ZFP1: variants seen among roughly 807,000 people sequenced by gnomAD.
ZFP1 encodes zinc finger protein 1 homolog.
ZFP1 carries 32 observed loss-of-function variants against 38.5 expected under a neutral mutation model. The ratio of observed to expected loss-of-function variants is 0.83; its 90% CI spans 0.63 to 1.12. ZFP1 has a LOEUF of 1.12. Ranked by LOEUF, ZFP1 falls within the 50% of genes most tolerant of loss-of-function variation. The pLI, the probability that ZFP1 is intolerant of heterozygous loss-of-function variation, is 0.00. For synonymous variants in ZFP1, 245 were observed against 168.8 expected (o/e 1.45, Z -3.50); for missense variants, 616 against 480.8 (o/e 1.28, Z -2.63).
chr16:75,146,742 G>C (rs113553215), upstream of ZFP1, among the ~76,000 whole-genome samples: 2 of 151,920 alleles, frequency 1.3e-5, no homozygotes, highest in Non-Finnish European at 2.9e-5. Context: ...AGTTTGAGAC[G>C]AGCCTGGGCA....
At chr16:75,156,898 G>A (rs1289676941) in intron 2 of ZFP1, among the ~76,000 whole-genome samples, 1 of 152,180 alleles carries the variant, frequency 6.6e-6, no homozygotes, top group Non-Finnish European at 1.5e-5. Flanking sequence ...AAGAATCTGG[G>A]CCAGGCTCAC....
the ZFP1 span, among the ~76,000 whole-genome samples, chr16:75,141,059 A>G: frequency 1.3e-5 from 2 of 152,176 alleles, no homozygotes; most frequent in African/African-American, 4.8e-5. Flanking sequence ...ATCATTGCTA[A>G]TATTTGGCCA....
chr16:75,123,132 T>A, the ZFP1 span, among the ~76,000 whole-genome samples: 2 of 151,766 alleles, frequency 1.3e-5, no homozygotes, highest in East Asian at 1.9e-4. Flanking sequence ...GGCGAGTGGA[T>A]CACGTGAGGT....
the ZFP1 span, among the ~76,000 whole-genome samples, chr16:75,138,961 C>T: frequency 6.6e-6 from 1 of 152,158 alleles, no homozygotes; most frequent in African/African-American, 2.4e-5. Context: ...TGGCACTTTA[C>T]CTCTAGGATC....
At chr16:75,167,396 CTT>C (rs11417475) in intron 3 of ZFP1, among the ~76,000 whole-genome samples, 7 of 148,644 alleles carry the variant, frequency 4.7e-5, no homozygotes, top group African/African-American at 1.5e-4. Context: ...CCCTGCTTAC[CTT>C]TTTTTTTTTC....
At chr16:75,138,109 T>G in the ZFP1 span, among the ~76,000 whole-genome samples, 4 of 127,760 alleles carry the variant, frequency 3.1e-5, no homozygotes, top group Non-Finnish European at 4.7e-5. Flanking sequence ...TGATCTTGGC[T>G]CACTGCAACC....
chr16:75,163,808 G>C (rs1156819468), intron 2 of ZFP1, among the ~76,000 whole-genome samples: 1 of 152,056 alleles, frequency 6.6e-6, no homozygotes, highest in Admixed American at 6.5e-5. Context: ...ACAGGGTCTT[G>C]CCATGTTGCC....
At chr16:75,161,830 G>A (rs1180071654) in intron 2 of ZFP1, among the ~76,000 whole-genome samples, 1 of 113,234 alleles carries the variant, frequency 8.8e-6, no homozygotes, top group African/African-American at 3.5e-5. Flanking sequence ...TGTCATCCAG[G>A]CTGGAATGCA....
intron 1 of ZFP1, among the ~76,000 whole-genome samples, chr16:75,150,533 T>C (rs142927760): frequency 1.7e-4 from 26 of 152,350 alleles, no homozygotes; most frequent in Admixed American, 1.3e-3. Context: ...TCTTTTTATA[T>C]TATTGATTTA....
intron 2 of ZFP1, among the ~76,000 whole-genome samples, chr16:75,160,396 T>G (rs1290731097): frequency 1.3e-5 from 2 of 151,932 alleles, no homozygotes; most frequent in Non-Finnish European, 2.9e-5. Context: ...TAATCCCATC[T>G]GTACTAAACC....
At chr16:75,123,661 A>G in the ZFP1 span, among the ~76,000 whole-genome samples, 16 of 151,074 alleles carry the variant, frequency 1.1e-4, no homozygotes, top group South Asian at 3.3e-3. Context: ...GTATTTTAGT[A>G]GAGACAGAGT....
At chr16:75,168,312 G>A (rs895248777) in intron 3 of ZFP1, among the ~76,000 whole-genome samples, 5 of 152,082 alleles carry the variant, frequency 3.3e-5, no homozygotes, top group African/African-American at 1.2e-4. Flanking sequence ...ATGAACCTGG[G>A]TAACTTTATC....
Position 75,169,603 on chromosome 16 carries a change from C to G in ZFP1, c.493C>G (p.Leu165Val), listed in dbSNP as rs2038309787. 6.3e-7 allele frequency: 1 copy of G among 1,595,422 alleles called. No homozygotes were observed. The highest frequency in any genetic ancestry group is 8.5e-7 in the Non-Finnish European group (1 of 1,174,974). The change falls in exon 4 of 4, where the codon CTC becomes GTC. Residue 165 changes from leucine to valine, a missense_variant. Physicochemically the swap from Leu to Val is conservative, Grantham distance 32. Transcript: ENST00000570010. Reference protein sequence around the residue: ...YSEYNKSGKALSHKAAIFKHQ... With the variant: ...YSEYNKSGKAVSHKAAIFKHQ... ...TGAATACAATAAAAGTGGAAAAGCC[C>G]TCAGCCATAAAGCAGCCATTTTTAA...
chr16:75,160,873 G>A (rs937987047), intron 2 of ZFP1, among the ~76,000 whole-genome samples: 9 of 151,894 alleles, frequency 5.9e-5, no homozygotes, highest in African/African-American at 2.2e-4. Context: ...CGTTAGAAGG[G>A]CTCCTAACCC....
At position 75,171,656 on chromosome 16, in the gene ZFP1, G is replaced by T. The variant is rs1267788117; in HGVS notation, c.*1322G>T. On this transcript the variant is annotated 3_prime_UTR_variant, in exon 4 of 4. Coordinates refer to ENST00000570010, the MANE Select transcript of ZFP1 (RefSeq NM_153688.4). ...CCTTTCCCTATCAATCACAAATCAT[G>T]TATTGGAAATTATAAATGGCAACCA... The T allele has an allele frequency of 6.6e-6, 1 of 152,180 alleles. No homozygotes were observed. Among genetic ancestry groups the T allele is most frequent in the East Asian group, 1.9e-4 (1 of 5,204 alleles). The allele number at this position is 152,180 out of a possible 1,614,324, so 9.4% of individuals were successfully genotyped here. A position where few individuals can be genotyped will look rare whatever the true frequency, so the allele number is the denominator to read the frequency against.
chr16:75,135,221 A>AAAAAAAAAAAAC, the ZFP1 span, among the ~76,000 whole-genome samples: 2 of 16,022 alleles, frequency 1.2e-4, no homozygotes, highest in Non-Finnish European at 3.0e-4. Context: ...AAAAAAAAAA[A>AAAAAAAAAAAAC]AAAAAAAAAA....
chr16:75,161,770 A>AT (rs1567533003), intron 2 of ZFP1, among the ~76,000 whole-genome samples: 4 of 8,152 alleles, frequency 4.9e-4, no homozygotes, highest in African/African-American at 1.6e-3. Flanking sequence ...ATATATATAT[A>AT]TATATTTTTT....
At chr16:75,136,213 T>C in the ZFP1 span, among the ~76,000 whole-genome samples, 1,212 of 152,302 alleles carry the variant, frequency 8.0e-3, 6 homozygotes, top group Non-Finnish European at 0.013. Context: ...TCTAAATGTA[T>C]AAAACAGCCC....
chr16:75,148,130 CAAAGTGCGAACTT>C (rs1210981292), upstream of ZFP1, among the ~76,000 whole-genome samples: 3 of 152,248 alleles, frequency 2.0e-5, no homozygotes, highest in East Asian at 5.8e-4. Flanking sequence ...ACAAAAAAAT[CAAAGTGCGAACTT>C]AATGTTATAC....
Sources: gnomAD v4.1 joint callset for allele counts (sites outside exome capture counted in the v4.1 genomes callset) on GRCh38, gnomAD v4.1.1 for gene constraint, MANE v1.5 for transcripts, NCBI Gene and HGNC (gene_info 2026-07-23, HGNC 2026-07-21) for gene names.